Variants in ZFX observed in about 807,000 individuals in gnomAD.
The protein encoded by ZFX is zinc finger protein X-linked.
For synonymous variants in ZFX, 196 were observed against 226.8 expected, an observed-to-expected ratio of 0.86 and a Z score of 1.22; for missense variants, 362 against 628.3, an observed-to-expected ratio of 0.58 and a Z score of 4.53.
At chrX:24,173,797 G>A (rs771693514) in intron 4 of ZFX, 20 of 416,680 alleles carry the variant, frequency 4.8e-5, no homozygotes, top group African/African-American at 2.7e-4. Flanking sequence ...GTTTTGCCAC[G>A]TTGCCCAGGC....
chrX:24,215,372 A>G lies in ZFX; in HGVS notation c.*3996A>G, dbSNP rs5949212. ...CTTTCAGAGCAGTGGTTTTCAAAGT[A>G]TGGCCGGACAGCATTGGCAGCATCT... On this transcript the variant is annotated 3_prime_UTR_variant, in exon 10 of 10. Transcript: ENST00000304543. 0.41 allele frequency: 45,644 copies of G among 110,523 alleles called. 7,324 individuals carry two copies. Among genetic ancestry groups the G allele is most frequent in the South Asian group, 0.66 (1,727 of 2,608 alleles). 9.1% of individuals were successfully genotyped at this position (110,523 alleles called of 1,213,427 possible).
intron 3 of ZFX, among the ~76,000 whole-genome samples, chrX:24,171,428 A>G (rs756714438): frequency 9.9e-5 from 11 of 110,962 alleles, no homozygotes; most frequent in Admixed American, 9.7e-4. Context: ...CTTGAAGGAA[A>G]GTTAGGGGAG....
At chrX:24,192,144 A>G (rs1418201982) in intron 5 of ZFX, among the ~76,000 whole-genome samples, 1 of 111,924 alleles carries the variant, frequency 8.9e-6, no homozygotes, top group Non-Finnish European at 1.9e-5. Flanking sequence ...AGACTATTAG[A>G]CTTGCCATAG....
intron 5 of ZFX, among the ~76,000 whole-genome samples, chrX:24,191,447 T>G (rs1160080267): frequency 3.6e-5 from 4 of 111,864 alleles, no homozygotes; most frequent in African/African-American, 1.3e-4. Context: ...GAGGAAGGTC[T>G]AAGAGTGAAA....
chrX:24,169,766 CATT>C (rs748067187), intron 3 of ZFX, among the ~76,000 whole-genome samples: 7 of 109,981 alleles, frequency 6.4e-5, no homozygotes, highest in Middle Eastern at 4.7e-3. Context: ...TTGTAGGAAT[CATT>C]GTTGTGGAAA....
At chrX:24,170,510 T>G (rs1037200405) in intron 3 of ZFX, among the ~76,000 whole-genome samples, 1 of 110,925 alleles carries the variant, frequency 9.0e-6, no homozygotes, top group African/African-American at 3.3e-5. Flanking sequence ...GAAAAGGTAT[T>G]CTATAGCCAG....
Position 24,211,461 on chromosome X carries a change from ATACTG to A in ZFX, c.*88_*92del. ...AGCCAATCAGTCTCATTCACATACAATACTGTATATTGATTTATGCTGTGTACAAA... is the reference window on the plus strand; with the variant it reads ...AGCCAATCAGTCTCATTCACATACAATATATTGATTTATGCTGTGTACAAA... On this transcript the variant is annotated 3_prime_UTR_variant, in exon 10 of 10. Coordinates refer to ENST00000304543, the MANE Select transcript of ZFX (RefSeq NM_003410.4). 9 of 985,762 alleles carry A rather than the reference ATACTG, an allele frequency of 9.1e-6. No homozygotes were observed. The South Asian group carries it at 2.0e-4, about 22-fold the overall frequency. 81.2% of individuals were successfully genotyped at this position (985,762 alleles called of 1,213,427 possible).
chrX:24,192,893 CAAAAAAA>C (rs759166413), intron 5 of ZFX, among the ~76,000 whole-genome samples: 1 of 48,526 alleles, frequency 2.1e-5, no homozygotes, highest in Non-Finnish European at 4.3e-5. Context: ...GACCCTGTCT[CAAAAAAA>C]AAAAAAAAAA....
Position 24,214,987 on chromosome X carries a change from T to TGATA in ZFX, c.*3611_*3612insGATA, listed in dbSNP as rs1555921838. The TGATA allele has an allele frequency of 8.1e-5, 9 of 110,710 alleles. No homozygotes were observed. The highest frequency in any genetic ancestry group is 3.0e-4 in the African/African-American group (9 of 30,384). The allele number at this position is 110,710 out of a possible 1,213,427, so 9.1% of individuals were successfully genotyped here. ...AGTAAATGTCAGGAGTCAAAAGAGA[T>TGATA]AGAGTTGTGCCATCTTTGATTTTAT... On this transcript the variant is annotated 3_prime_UTR_variant, in exon 10 of 10. Coordinates refer to ENST00000304543, the MANE Select transcript of ZFX (RefSeq NM_003410.4).
At chrX:24,199,643 C>A (rs1937156462) in intron 5 of ZFX, among the ~76,000 whole-genome samples, 2 of 111,195 alleles carry the variant, frequency 1.8e-5, no homozygotes, top group South Asian at 7.5e-4. Flanking sequence ...CTTAGCCGGG[C>A]ACGGTGGCTC....
At chrX:24,169,928 G>A (rs751757332) in intron 3 of ZFX, among the ~76,000 whole-genome samples, 1 of 110,833 alleles carries the variant, frequency 9.0e-6, no homozygotes, top group Non-Finnish European at 1.9e-5. Context: ...TAAAGCAACA[G>A]AGGAAGGAGA....
In ZFX at chrX:24,189,779, A is replaced by G. The variant is rs887875737; in HGVS notation, c.646+10009A>G. 6.3e-5 allele frequency among the ~76,000 whole-genome samples: 7 copies of G among 111,709 alleles called. No homozygotes were observed. In the Admixed American group the frequency reaches 6.7e-4, roughly 11 times the overall value. On this transcript the variant is annotated intron_variant, in intron 5 of 9. Transcript: ENST00000304543. ...TTTAATGTATAAACTCTGAGGGTCA[A>G]CACATCCTAATAGTTTATTGATTGA...
intron 5 of ZFX, among the ~76,000 whole-genome samples, chrX:24,188,923 C>T (rs748979328): frequency 8.1e-5 from 9 of 111,063 alleles, no homozygotes; most frequent in African/African-American, 2.3e-4. Flanking sequence ...CTGCAAGCTC[C>T]GCCTCCTGGG....
At chrX:24,178,205 C>T (rs1299154171) in intron 4 of ZFX, among the ~76,000 whole-genome samples, 1 of 111,381 alleles carries the variant, frequency 9.0e-6, no homozygotes, top group African/African-American at 3.3e-5. Flanking sequence ...GCTGGGATTA[C>T]AGGCGTGAGC....
intron 5 of ZFX, among the ~76,000 whole-genome samples, chrX:24,202,174 T>C (rs1408815310): frequency 2.7e-5 from 3 of 112,022 alleles, no homozygotes; most frequent in Non-Finnish European, 5.6e-5. Context: ...TCATCTTTGC[T>C]CCTAGTTTCA....
chrX:24,200,945 A>G (rs1788535822), intron 5 of ZFX, among the ~76,000 whole-genome samples: 1 of 112,596 alleles, frequency 8.9e-6, no homozygotes, highest in African/African-American at 3.2e-5. Context: ...CTTAATTTCC[A>G]GAAATTATGC....
At chrX:24,209,110 A>C in intron 9 of ZFX, 70 bp downstream of exon 9, 1 of 1,201,342 alleles carries the variant, frequency 8.3e-7, no homozygotes, top group South Asian at 1.8e-5. Flanking sequence ...GTATGTATCC[A>C]CAGGGGTGTC....
At chrX:24,177,710 A>G (rs963058336) in intron 4 of ZFX, 13 of 751,521 alleles carry the variant, frequency 1.7e-5, no homozygotes, top group East Asian at 3.0e-4. Context: ...CTAAATTTCT[A>G]TAGCCATAGA....
intron 5 of ZFX, among the ~76,000 whole-genome samples, chrX:24,187,227 C>T (rs1488287036): frequency 9.0e-6 from 1 of 111,520 alleles, no homozygotes; most frequent in Non-Finnish European, 1.9e-5. Flanking sequence ...CAAGGTCACT[C>T]CCAGCAGCAT....
Sources: allele counts gnomAD v4.1 joint callset (sites outside exome capture counted in the v4.1 genomes callset), GRCh38; gene constraint gnomAD v4.1.1; transcripts MANE v1.5; gene names NCBI Gene and HGNC (gene_info 2026-07-23, HGNC 2026-07-21).